Variants in F13A1 observed in about 807,000 individuals in gnomAD.
The protein encoded by F13A1 is coagulation factor XIII A chain.
A neutral mutation model predicts 80.1 loss-of-function variants in F13A1; 47 were observed. That is an observed-to-expected ratio of 0.59 (90% confidence interval 0.46 to 0.75). The LOEUF is 0.75. Among genes scored for constraint, F13A1 ranks in the 30% least tolerant of loss-of-function variants. The probability of loss-of-function intolerance (pLI) is 0.00; values close to 1 mark genes in which losing one functional copy is unlikely to be tolerated. For synonymous variants in F13A1, 349 were observed against 344.9 expected (o/e 1.01, Z -0.13); for missense variants, 817 against 930.4 (o/e 0.88, Z 1.59).
In F13A1 at chr6:6,255,565, G is replaced by A. The variant is rs185403242; in HGVS notation, c.572-4636C>T. Among the ~76,000 whole-genome samples the A allele has an allele frequency of 7.4e-3, 1,123 of 152,224 alleles. 8 individuals are homozygous for A. The highest frequency in any genetic ancestry group is 0.026 in the African/African-American group (1,065 of 41,490). On this transcript the variant is annotated intron_variant, in intron 4 of 14. Coordinates refer to ENST00000264870, the MANE Select transcript of F13A1 (RefSeq NM_000129.4). ...ATCAATGTGTACTGAAAGAATGAGA[G>A]ATGGGGAAGATGTCTGGAGCTTAGA...
chr6:6,313,465 T>C (rs1189994316), intron 2 of F13A1, among the ~76,000 whole-genome samples: 1 of 152,104 alleles, frequency 6.6e-6, no homozygotes, highest in Non-Finnish European at 1.5e-5. Flanking sequence ...CTCCTACTTT[T>C]TGTCTAATAT....
rs187114281 is a variant in F13A1, at chr6:6,199,266, G to C, written c.1113-1940C>G. Among the ~76,000 whole-genome samples the C allele has an allele frequency of 4.6e-5, 7 of 152,280 alleles. No homozygotes were observed. In the East Asian group the frequency reaches 1.4e-3, roughly 29 times the overall value. On this transcript the variant is annotated intron_variant, in intron 8 of 14. Transcript: ENST00000264870. ...GCACTTTGGGAGGCCGAGGCGGGCA[G>C]ATCACGAGGTCAGGAGATCGAGACC...
chr6:6,320,593 G>C lies in F13A1; in HGVS notation c.-25C>G, dbSNP rs757638656. ...TGCAGGGTCGGTGGCTTACCTGCAGGCGCTCCCCTCCAGAGGTGCCCTCGC... is the reference window on the plus strand; with the variant it reads ...TGCAGGGTCGGTGGCTTACCTGCAGCCGCTCCCCTCCAGAGGTGCCCTCGC... On this transcript the variant is annotated 5_prime_UTR_variant, in exon 1 of 15. Transcript: ENST00000264870. 2.3e-4 allele frequency: 110 copies of C among 468,890 alleles called. No individual in the cohort carries two copies. Among genetic ancestry groups the C allele is most frequent in the Non-Finnish European group, 4.5e-4 (102 of 225,880 alleles). The allele number at this position is 468,890 out of a possible 1,614,324, so 29.0% of individuals were successfully genotyped here. A position where few individuals can be genotyped will look rare whatever the true frequency, so the allele number is the denominator to read the frequency against.
intron 3 of F13A1, 125 bp from the exon 4 acceptor site, chr6:6,266,934 C>T (rs1757853945): frequency 7.2e-7 from 1 of 1,392,992 alleles, no homozygotes; most frequent in South Asian, 1.2e-5. Context: ...CTTGAAGAAA[C>T]ATACAAATCA....
intron 8 of F13A1, among the ~76,000 whole-genome samples, chr6:6,216,956 T>C (rs1757099736): frequency 6.6e-6 from 1 of 150,846 alleles, no homozygotes; most frequent in Non-Finnish European, 1.5e-5. Flanking sequence ...ATCAGAGAAA[T>C]GCAAAACAAA....
chr6:6,161,759 G>A (rs1760580714), intron 13 of F13A1, among the ~76,000 whole-genome samples: 1 of 152,128 alleles, frequency 6.6e-6, no homozygotes. Flanking sequence ...CACATGGTGG[G>A]TGCTGGGAAT....
At chr6:6,226,255 G>A (rs780659846) in intron 6 of F13A1, among the ~76,000 whole-genome samples, 6 of 152,160 alleles carry the variant, frequency 3.9e-5, no homozygotes, top group Non-Finnish European at 8.8e-5. Context: ...CATTACAATG[G>A]TGTGGAGCCT....
At position 6,309,764 on chromosome 6, in the gene F13A1, G is replaced by A. The variant is rs1460707044; in HGVS notation, c.131-4225C>T. On this transcript the variant is annotated intron_variant, in intron 2 of 14. Transcript: ENST00000264870. ...GGGGCAAAGCTGGAAGCTGAACCCA[G>A]TTAAGAAGCTGTTGCAGTGTTCTGG... Among the ~76,000 whole-genome samples the A allele has an allele frequency of 5.3e-5, 8 of 152,184 alleles. No individual in the cohort carries two copies. The East Asian group carries it at 1.5e-3, about 29-fold the overall frequency.
chr6:6,269,561 G>A (rs1002706165), intron 3 of F13A1, among the ~76,000 whole-genome samples: 1 of 151,970 alleles, frequency 6.6e-6, no homozygotes, highest in Non-Finnish European at 1.5e-5. Context: ...GAATCATCAT[G>A]GAGTCACCTG....
chr6:6,152,138 A>G (rs1355813893), intron 13 of F13A1, among the ~76,000 whole-genome samples, 189 bp from the exon 14 acceptor site: 1 of 152,174 alleles, frequency 6.6e-6, no homozygotes, highest in Non-Finnish European at 1.5e-5. Context: ...GAAATTTACT[A>G]ATTAGAATCG....
intron 9 of F13A1, among the ~76,000 whole-genome samples, chr6:6,196,486 A>G (rs1479627001): frequency 6.6e-6 from 1 of 152,206 alleles, no homozygotes; most frequent in African/African-American, 2.4e-5. Flanking sequence ...ATATACCAGA[A>G]CACCAGAAAG....
At chr6:6,240,166 T>A (rs1757466784) in intron 6 of F13A1, among the ~76,000 whole-genome samples, 1 of 152,100 alleles carries the variant, frequency 6.6e-6, no homozygotes. Flanking sequence ...AAGCAGACAT[T>A]TAGATTGCCC....
At chr6:6,161,350 G>A (rs1760569343) in intron 13 of F13A1, among the ~76,000 whole-genome samples, 1 of 152,134 alleles carries the variant, frequency 6.6e-6, no homozygotes, top group Non-Finnish European at 1.5e-5. Flanking sequence ...AGAGGAGAAA[G>A]AACATTTACC....
At chr6:6,191,658 AG>A (rs1761202582) in intron 10 of F13A1, among the ~76,000 whole-genome samples, 1 of 152,228 alleles carries the variant, frequency 6.6e-6, no homozygotes, top group African/African-American at 2.4e-5. Flanking sequence ...CTGAGGCTAG[AG>A]ACGTGCTCTT....
At chr6:6,217,340 A>T (rs1218955628) in intron 8 of F13A1, among the ~76,000 whole-genome samples, 2 of 146,282 alleles carry the variant, frequency 1.4e-5, no homozygotes, top group African/African-American at 5.3e-5. Flanking sequence ...ATGGAATACT[A>T]TGCAGCCATA....
Position 6,305,336 on chromosome 6 carries a change from G to A in F13A1, c.319+15C>T, listed in dbSNP as rs1758497571. 6.2e-7 allele frequency: 1 copy of A among 1,614,094 alleles called. No individual in the cohort carries two copies. The highest frequency in any genetic ancestry group is 2.2e-5 in the East Asian group (1 of 44,882). On this transcript the variant is annotated intron_variant, in intron 3 of 14. Coordinates refer to ENST00000264870, the MANE Select transcript of F13A1 (RefSeq NM_000129.4). Reference sequence around the variant, plus strand: ...ACCCATGGTGTCAAGACTGGAGCTTGCACATGGCACTCACCAATGACGTAT... The same window carrying A: ...ACCCATGGTGTCAAGACTGGAGCTTACACATGGCACTCACCAATGACGTAT...
intron 8 of F13A1, 115 bp downstream of exon 8, chr6:6,221,918 G>A (rs1397616081): frequency 8.5e-7 from 1 of 1,177,690 alleles, no homozygotes; most frequent in Non-Finnish European, 1.2e-6. Context: ...TTCTGCCTGT[G>A]CTGTTGAATG....
At chr6:6,199,732 TAAG>T (rs1761358654) in intron 8 of F13A1, among the ~76,000 whole-genome samples, 1 of 152,212 alleles carries the variant, frequency 6.6e-6, no homozygotes, top group South Asian at 2.1e-4. Flanking sequence ...TGGAATAATT[TAAG>T]AAGAAGATCT....
chr6:6,293,796 AG>A (rs1243718694), intron 3 of F13A1, among the ~76,000 whole-genome samples: 3 of 34,320 alleles, frequency 8.7e-5, no homozygotes, highest in South Asian at 3.3e-3. Flanking sequence ...GGAGGGAGGG[AG>A]GGAGGGAGGG....
Sources: gnomAD v4.1 joint callset for allele counts (sites outside exome capture counted in the v4.1 genomes callset) on GRCh38, gnomAD v4.1.1 for gene constraint, MANE v1.5 for transcripts, NCBI Gene and HGNC (gene_info 2026-07-23, HGNC 2026-07-21) for gene names.